Variants in CRISP1 observed in about 807,000 individuals in gnomAD.
The protein encoded by CRISP1 is cysteine-rich secretory protein 1.
A neutral mutation model predicts 33.1 loss-of-function variants in CRISP1; 44 were observed. The observed-to-expected ratio is 1.33, with a 90% confidence interval of 1.05 to 1.71. The LOEUF (loss-of-function observed/expected upper bound fraction) is 1.71, where lower values mean the gene tolerates loss of function less well. Ranked by LOEUF, CRISP1 falls within the 40% of genes most tolerant of loss-of-function variation. CRISP1 has a pLI of 0.00. For synonymous variants in CRISP1, 103 were observed against 98.7 expected, an observed-to-expected ratio of 1.04 and a Z score of -0.26; for missense variants, 390 against 301.2, an observed-to-expected ratio of 1.29 and a Z score of -2.18.
chr6:49,865,320 C>T (rs927947200), intron 1 of CRISP1, among the ~76,000 whole-genome samples: 2 of 152,086 alleles, frequency 1.3e-5, no homozygotes, highest in Non-Finnish European at 2.9e-5. Flanking sequence ...TGATAACTAC[C>T]TTCCACTAAA....
rs1228216628 is a variant in CRISP1, at chr6:49,849,460, T to C, written c.196-1161A>G. Among the ~76,000 whole-genome samples, 11 of 152,230 alleles carry C rather than the reference T, an allele frequency of 7.2e-5. No homozygotes were observed. In the East Asian group the frequency reaches 2.1e-3, roughly 30 times the overall value. On this transcript the variant is annotated intron_variant, in intron 3 of 7. Coordinates refer to ENST00000335847, the MANE Select transcript of CRISP1 (RefSeq NM_001131.3). ...TTAGGGAGAGGGAGGGATTTGACAG[T>C]CAGGCTGACATCACCCTCATGAAAG...
At chr6:49,876,555 A>G (rs1772039671) in intron 1 of CRISP1, among the ~76,000 whole-genome samples, 1 of 152,040 alleles carries the variant, frequency 6.6e-6, no homozygotes, top group African/African-American at 2.4e-5. Context: ...AAACAAATAT[A>G]AATATTATAT....
At chr6:49,860,455 A>G (rs1378633315) in intron 1 of CRISP1, among the ~76,000 whole-genome samples, 1 of 152,158 alleles carries the variant, frequency 6.6e-6, no homozygotes, top group Non-Finnish European at 1.5e-5. Context: ...CTAGAAATCA[A>G]TAACAAGAGG....
In CRISP1 at chr6:49,834,323, A is replaced by G. The variant is rs145187160; in HGVS notation, c.*993T>C. The G allele has an allele frequency of 4.6e-5, 7 of 151,728 alleles. No individual in the cohort carries two copies. Among genetic ancestry groups the G allele is most frequent in the Non-Finnish European group, 7.4e-5 (5 of 67,914 alleles). 9.4% of individuals were successfully genotyped at this position (151,728 alleles called of 1,614,324 possible). A position where few individuals can be genotyped will look rare whatever the true frequency, so the allele number is the denominator to read the frequency against. On this transcript the variant is annotated 3_prime_UTR_variant, in exon 8 of 8. Transcript: ENST00000335847. The stretch of plus-strand genomic sequence containing the variant: ...AATATACAAGTAGGTAGAACTGGGT[A>G]TAACTTTGGTATAATGTTAAAATTT...
chr6:49,836,211 C>T (rs79728129), intron 7 of CRISP1, among the ~76,000 whole-genome samples: 14,694 of 151,948 alleles, frequency 0.097, 976 homozygotes, highest in Non-Finnish European at 0.15. Context: ...TTTATGCAGT[C>T]CTGAATTTGA....
At chr6:49,864,963 G>C (rs1166050706) in intron 1 of CRISP1, among the ~76,000 whole-genome samples, 1 of 152,030 alleles carries the variant, frequency 6.6e-6, no homozygotes. Context: ...TGGCATGTGT[G>C]TGTTCTATTT....
chr6:49,874,541 A>T (rs973381069), intron 1 of CRISP1, among the ~76,000 whole-genome samples: 1 of 152,084 alleles, frequency 6.6e-6, no homozygotes, highest in African/African-American at 2.4e-5. Flanking sequence ...TGCCTTCAGG[A>T]TATTATTTTA....
At chr6:49,842,121 T>C (rs1771011508) in intron 5 of CRISP1, among the ~76,000 whole-genome samples, 1 of 152,180 alleles carries the variant, frequency 6.6e-6, no homozygotes, top group African/African-American at 2.4e-5. Flanking sequence ...GGTGCCAATC[T>C]CTCCACACCA....
Position 49,862,724 on chromosome 6 carries a change from C to G in CRISP1, c.-3+3705G>C, listed in dbSNP as rs141705472. ...CTAAGGGAAACTGCTAAGAAAGGAC[C>G]TTAGATTTTTCAGTCCATGCTTTGG... On this transcript the variant is annotated intron_variant, in intron 1 of 7. Transcript: ENST00000335847. 2.2e-3 allele frequency among the ~76,000 whole-genome samples: 330 copies of G among 151,496 alleles called. 1 individual carries two copies. The highest frequency in any genetic ancestry group is 6.8e-3 in the African/African-American group (283 of 41,338).
chr6:49,851,398 TAGC>T (rs1771341251), intron 3 of CRISP1, among the ~76,000 whole-genome samples: 2 of 152,160 alleles, frequency 1.3e-5, no homozygotes, highest in Non-Finnish European at 2.9e-5. Flanking sequence ...ATTTGTCTTG[TAGC>T]AGAGCATAGC....
At position 49,834,898 on chromosome 6, in the gene CRISP1, G is replaced by A. The variant is rs181564095; in HGVS notation, c.*418C>T. 1 of 148,924 alleles carries A rather than the reference G, an allele frequency of 6.7e-6. No individual in the cohort carries two copies. The highest frequency in any genetic ancestry group is 6.9e-5 in the Admixed American group (1 of 14,588). 9.2% of individuals were successfully genotyped at this position (148,924 alleles called of 1,614,324 possible). A position where few individuals can be genotyped will look rare whatever the true frequency, so the allele number is the denominator to read the frequency against. On this transcript the variant is annotated 3_prime_UTR_variant, in exon 8 of 8. Transcript: ENST00000335847. Reference sequence around the variant, plus strand: ...TTCCTTTAATGATTGATTTAAAGTAGAAGTAAAATTTTAAAAGTGAAGAAT... The same window carrying A: ...TTCCTTTAATGATTGATTTAAAGTAAAAGTAAAATTTTAAAAGTGAAGAAT...
At chr6:49,853,633 T>C (rs184400320) in intron 2 of CRISP1, among the ~76,000 whole-genome samples, 101 of 152,318 alleles carry the variant, frequency 6.6e-4, no homozygotes, top group Middle Eastern at 6.8e-3. Flanking sequence ...TTCTTCCAAG[T>C]TGCCACGATC....
At chr6:49,876,268 G>A (rs998614222) in intron 1 of CRISP1, among the ~76,000 whole-genome samples, 14 of 152,054 alleles carry the variant, frequency 9.2e-5, no homozygotes, top group African/African-American at 3.1e-4. Flanking sequence ...ATTCGTGCAG[G>A]CAACAACATA....
At chr6:49,843,282 CTAAGTG>C (rs1771051361) in intron 5 of CRISP1, among the ~76,000 whole-genome samples, 1 of 152,122 alleles carries the variant, frequency 6.6e-6, no homozygotes, top group South Asian at 2.1e-4. Flanking sequence ...CCCTTTGTGT[CTAAGTG>C]TATCAATCTT....
intron 2 of CRISP1, among the ~76,000 whole-genome samples, chr6:49,853,386 C>T (rs906712906): frequency 2.0e-5 from 3 of 152,082 alleles, no homozygotes; most frequent in African/African-American, 7.2e-5. Context: ...TTTCCTGAAA[C>T]GAATTCATCT....
chr6:49,843,836 A>T (rs1166773317), intron 5 of CRISP1, among the ~76,000 whole-genome samples: 1 of 152,194 alleles, frequency 6.6e-6, no homozygotes, highest in African/African-American at 2.4e-5. Context: ...GTGGTCTCAG[A>T]TATAAATGAG....
chr6:49,862,918 T>A (rs1771693450), intron 1 of CRISP1, among the ~76,000 whole-genome samples: 1 of 151,974 alleles, frequency 6.6e-6, no homozygotes, highest in African/African-American at 2.4e-5. Flanking sequence ...TAAAAGTTAA[T>A]AATTCAACAT....
chr6:49,842,876 G>A (rs938523593), intron 5 of CRISP1, among the ~76,000 whole-genome samples: 1 of 152,098 alleles, frequency 6.6e-6, no homozygotes, highest in African/African-American at 2.4e-5. Flanking sequence ...AATGTAAAAT[G>A]TTTCTATATT....
upstream of CRISP1, among the ~76,000 whole-genome samples, chr6:49,869,142 G>C (rs907414488): frequency 3.3e-5 from 5 of 152,122 alleles, no homozygotes; most frequent in South Asian, 2.1e-4. Flanking sequence ...TGGCTTGACT[G>C]AGCACATTTG....
Sources: gnomAD v4.1 joint callset for allele counts (sites outside exome capture counted in the v4.1 genomes callset) on GRCh38, gnomAD v4.1.1 for gene constraint, MANE v1.5 for transcripts, NCBI Gene and HGNC (gene_info 2026-07-23, HGNC 2026-07-21) for gene names.